KCTD10: variants seen among roughly 807,000 people sequenced by gnomAD.
The protein encoded by KCTD10 is potassium channel tetramerization domain containing 10, also known as BTB/POZ domain-containing adapter for CUL3-mediated RhoA degradation protein 3.
In KCTD10, 13 loss-of-function variants were observed where a neutral mutation model predicts 34.6. The observed-to-expected ratio is 0.38, with a 90% confidence interval of 0.24 to 0.60. The LOEUF (loss-of-function observed/expected upper bound fraction) is 0.60. Among genes scored for constraint, KCTD10 ranks in the 20% least tolerant of loss-of-function variants. The pLI is 0.66. For missense variants in KCTD10, 256 were observed against 420.3 expected, an observed-to-expected ratio of 0.61 and a Z score of 3.42; for synonymous variants, 156 against 168.8, an observed-to-expected ratio of 0.92 and a Z score of 0.59.
intron 4 of KCTD10, 135 bp downstream of exon 4, chr12:109,457,857 T>C: frequency 1.0e-6 from 1 of 993,320 alleles, no homozygotes; most frequent in Non-Finnish European, 1.6e-6. Context: ...AAAGATGACC[T>C]GTAGCTTCCC....
intron 6 of KCTD10, among the ~76,000 whole-genome samples, chr12:109,454,307 G>A (rs1437768906): frequency 2.0e-5 from 3 of 152,224 alleles, no homozygotes; most frequent in Non-Finnish European, 2.9e-5. Flanking sequence ...AACATAGGGA[G>A]TCTCAGCAAG....
At chr12:109,453,974 C>T (rs540026955) in intron 6 of KCTD10, among the ~76,000 whole-genome samples, 138 of 152,188 alleles carry the variant, frequency 9.1e-4, no homozygotes, top group Non-Finnish European at 1.7e-3. Context: ...AAACTGTCAC[C>T]GCAACTACAA....
chr12:109,467,600 TG>T (rs1477806199), intron 2 of KCTD10, among the ~76,000 whole-genome samples: 1 of 152,078 alleles, frequency 6.6e-6, no homozygotes, highest in East Asian at 1.9e-4. Context: ...TCAGCCTGGG[TG>T]ACAGAGAAAG....
chr12:109,474,153 G>A (rs1276639875), intron 1 of KCTD10, among the ~76,000 whole-genome samples: 3 of 152,088 alleles, frequency 2.0e-5, no homozygotes, highest in African/African-American at 7.2e-5. Context: ...GACCTCAAGT[G>A]ATCCATCTGC....
chr12:109,464,337 C>T (rs572495464), intron 2 of KCTD10, among the ~76,000 whole-genome samples: 1 of 152,312 alleles, frequency 6.6e-6, no homozygotes, highest in East Asian at 1.9e-4. Context: ...TTGTAAGAGG[C>T]TGCCCCGCAC....
chr12:109,475,181 A>C (rs1399886674), intron 1 of KCTD10, among the ~76,000 whole-genome samples: 3 of 152,116 alleles, frequency 2.0e-5, no homozygotes, highest in South Asian at 4.1e-4. Context: ...TGCTTAAAAA[A>C]CATGATGCCA....
chr12:109,470,447 A>C (rs77020148), intron 1 of KCTD10: 10,258 of 985,490 alleles, frequency 0.01, 63 homozygotes, highest in Middle Eastern at 0.013. Context: ...CTCTCTGTAC[A>C]TCTCAAAGAA....
At position 109,451,676 on chromosome 12, in the gene KCTD10, C is replaced by T. The variant is rs757635793; in HGVS notation, c.861G>A (p.Glu287=). 2.5e-6 allele frequency: 4 copies of T among 1,613,796 alleles called. No homozygotes were observed. Among genetic ancestry groups the T allele is most frequent in the Non-Finnish European group, 3.4e-6 (4 of 1,179,930 alleles). ...GCTCGATCCGCTCCCGCTCCTCGTC[C>T]TCGTCCAGGTGGTGGGAGCGCCCCG... ...GAAGRSHHLD[E]DEERERIERV... is the part of the protein sequence containing the mutation. The change falls in exon 7 of 7, where the codon GAG becomes GAA. Residue 287 remains glutamate (E), a synonymous_variant. Coordinates refer to ENST00000228495, the MANE Select transcript of KCTD10 (RefSeq NM_031954.5). The surrounding 1 kb of genome is among the most constrained non-coding windows in gnomAD (Gnocchi z 5.0).
rs1336634282 is a variant in KCTD10 at position 109,450,222 on chromosome 12, A to AG, written c.*1372dup. 6.3e-5 allele frequency: 25 copies of AG among 398,486 alleles called. No homozygotes were observed. The highest frequency in any genetic ancestry group is 4.0e-4 in the Admixed American group (9 of 22,712). 24.7% of individuals were successfully genotyped at this position (398,486 alleles called of 1,614,324 possible). A position where few individuals can be genotyped will look rare whatever the true frequency, so the allele number is the denominator to read the frequency against. ...ACATCTCCTGGTAACTACTCTACCT[A>AG]GTCTAGTCTCAACCACCCCTGTCAG... On this transcript the variant is annotated 3_prime_UTR_variant, in exon 7 of 7. Coordinates refer to ENST00000228495, the MANE Select transcript of KCTD10 (RefSeq NM_031954.5).
In KCTD10 at chr12:109,451,686, T is replaced by C. The variant is rs1412555926; in HGVS notation, c.851A>G (p.His284Arg). Residue 284 changes from histidine to arginine, a missense_variant, in exon 7 of 7, where the codon CAC becomes CGC. Coordinates refer to ENST00000228495, the MANE Select transcript of KCTD10 (RefSeq NM_031954.5). This position sits in a 1 kb window ranked among gnomAD's most constrained non-coding sequence, Gnocchi z 5.0. ...CTCCCGCTCCTCGTCCTCGTCCAGG[T>C]GGTGGGAGCGCCCCGCCGCCCCGCC... ...ATGGAAGRSH[H>R]LDEDEERERI... is the part of the protein sequence containing the mutation. 3 of 1,613,652 alleles carry C rather than the reference T, an allele frequency of 1.9e-6. No individual in the cohort carries two copies. Among genetic ancestry groups the C allele is most frequent in the African/African-American group, 1.3e-5 (1 of 74,910 alleles).
chr12:109,451,883 C>T lies in KCTD10; in HGVS notation c.724-70G>A. On this transcript the variant is annotated intron_variant, in intron 6 of 6. Coordinates refer to ENST00000228495, the MANE Select transcript of KCTD10 (RefSeq NM_031954.5). This position sits in a 1 kb window ranked among gnomAD's most constrained non-coding sequence, Gnocchi z 5.0. ...CCTCTGCCAACACCTGGACTTTAAGCAGGGCCGCCAGGCTAAATCAGGCCC... is the reference window on the plus strand; with the variant it reads ...CCTCTGCCAACACCTGGACTTTAAGTAGGGCCGCCAGGCTAAATCAGGCCC... 1.5e-6 allele frequency: 2 copies of T among 1,352,588 alleles called. No individual in the cohort carries two copies. The highest frequency in any genetic ancestry group is 2.0e-6 in the Non-Finnish European group (2 of 1,002,438). The allele number at this position is 1,352,588 out of a possible 1,614,324, so 83.8% of individuals were successfully genotyped here.
At position 109,469,737 on chromosome 12, in the gene KCTD10, G is replaced by A. The variant is rs747086083; in HGVS notation, c.4-9C>T. Reference sequence around the variant, plus strand: ...TCTCCTGACATCTCTTCCTGCCAGTGGAGAGGATACAGGGTCATGACATCA... The same window carrying A: ...TCTCCTGACATCTCTTCCTGCCAGTAGAGAGGATACAGGGTCATGACATCA... On this transcript the variant is annotated splice_polypyrimidine_tract_variant and intron_variant, in intron 1 of 6. Transcript: ENST00000228495. 6.2e-7 allele frequency: 1 copy of A among 1,613,908 alleles called. No homozygotes were observed. Among genetic ancestry groups the A allele is most frequent in the Admixed American group, 1.7e-5 (1 of 60,016 alleles).
intron 2 of KCTD10, chr12:109,464,703 A>C: frequency 2.6e-6 from 1 of 381,074 alleles, no homozygotes; most frequent in African/African-American, 2.1e-5. Context: ...AACTCAAAAG[A>C]GCAATACACA....
intron 1 of KCTD10, among the ~76,000 whole-genome samples, chr12:109,476,270 T>C (rs1052602050): frequency 2.4e-4 from 37 of 152,220 alleles, no homozygotes; most frequent in African/African-American, 8.9e-4. Context: ...CGCTGGTCCT[T>C]ATTTTGCACA....
At position 109,449,972 on chromosome 12, in the gene KCTD10, A is replaced by C. The variant is rs1459401723; in HGVS notation, c.*1623T>G. 2.5e-5 allele frequency: 7 copies of C among 284,338 alleles called. No homozygotes were observed. The highest frequency in any genetic ancestry group is 3.9e-5 in the Non-Finnish European group (6 of 153,796). 17.6% of individuals were successfully genotyped at this position (284,338 alleles called of 1,614,324 possible). The stretch of plus-strand genomic sequence containing the variant: ...CAATACACGATTTTGACATTCAGTC[A>C]TGATTGTTTTAAAGTTTTATTGTAG... On this transcript the variant is annotated 3_prime_UTR_variant, in exon 7 of 7. Transcript: ENST00000228495.
At chr12:109,465,237 G>A (rs987926070) in intron 2 of KCTD10, among the ~76,000 whole-genome samples, 4 of 152,122 alleles carry the variant, frequency 2.6e-5, no homozygotes, top group Non-Finnish European at 4.4e-5. Context: ...CTCTACCACC[G>A]GAAAATGTCT....
In KCTD10 at chr12:109,450,409, TAAAC is replaced by T. The variant is rs1166544387; in HGVS notation, c.*1182_*1185del. 7.5e-6 allele frequency: 3 copies of T among 399,156 alleles called. No individual in the cohort carries two copies. Among genetic ancestry groups the T allele is most frequent in the African/African-American group, 4.1e-5 (2 of 48,644 alleles). 24.7% of individuals were successfully genotyped at this position (399,156 alleles called of 1,614,324 possible). A position where few individuals can be genotyped will look rare whatever the true frequency, so the allele number is the denominator to read the frequency against. ...CCCACCCACAGTCACACATATCCCT[TAAAC>T]AAACATGAACACAGACACAAACCAG... is the stretch of plus-strand genomic sequence containing the variant. On this transcript the variant is annotated 3_prime_UTR_variant, in exon 7 of 7. Transcript: ENST00000228495.
intron 1 of KCTD10, chr12:109,471,208 G>C (rs544491649): frequency 1.0e-6 from 1 of 985,330 alleles, no homozygotes; most frequent in African/African-American, 1.7e-5. Context: ...AAACACAAAC[G>C]TTATTTTTGT....
rs977148196 is a variant in KCTD10 at position 109,460,551 on chromosome 12, C to G, written c.387+85G>C. The stretch of plus-strand genomic sequence containing the variant: ...CAACATCTCAGTCAGACAGAAACTG[C>G]CCCCATTTTGCAGAGAGGGAAAATG... On this transcript the variant is annotated intron_variant, in intron 3 of 6. Transcript: ENST00000228495. This position sits in a 1 kb window ranked among gnomAD's most constrained non-coding sequence, Gnocchi z 4.5. 2 of 1,374,886 alleles carry G rather than the reference C, an allele frequency of 1.5e-6. No homozygotes were observed. Among genetic ancestry groups the G allele is most frequent in the Admixed American group, 4.0e-5 (2 of 50,590 alleles). 85.2% of individuals were successfully genotyped at this position (1,374,886 alleles called of 1,614,324 possible).
Sources: gnomAD v4.1 joint callset for allele counts (sites outside exome capture counted in the v4.1 genomes callset) on GRCh38, gnomAD v4.1.1 for gene constraint, Gnocchi (gnomAD v3.1) non-coding constraint, MANE v1.5 for transcripts, NCBI Gene and HGNC (gene_info 2026-07-23, HGNC 2026-07-21) for gene names.